ITSN1: variants seen among roughly 807,000 people sequenced by gnomAD.
The protein encoded by ITSN1 is intersectin 1.
ITSN1 carries 58 observed loss-of-function variants against 239.8 expected under a neutral mutation model. That is an observed-to-expected ratio of 0.24 (90% confidence interval 0.20 to 0.30). The LOEUF (loss-of-function observed/expected upper bound fraction) is 0.30, where lower values mean the gene tolerates loss of function less well. Among genes scored for constraint, ITSN1 ranks in the 10% least tolerant of loss-of-function variants. The pLI, the probability that ITSN1 is intolerant of heterozygous loss-of-function variation, is 1.00. For missense variants in ITSN1, 1,558 were observed against 2,103.3 expected (o/e 0.74, Z 5.07); for synonymous variants, 780 against 770.8 (o/e 1.01, Z -0.20).
chr21:33,802,475 C>T (rs966096871), intron 20 of ITSN1, 31 bp downstream of exon 20: 2 of 1,609,366 alleles, frequency 1.2e-6, no homozygotes, highest in East Asian at 2.2e-5. Context: ...AGGAAGTCTG[C>T]ATCTTATTCA....
chr21:33,834,495 A>G (rs926727369), intron 28 of ITSN1, 71 bp downstream of exon 28: 80 of 1,058,802 alleles, frequency 7.6e-5, no homozygotes, highest in Non-Finnish European at 1.1e-4. Flanking sequence ...TGATTTTCTC[A>G]TTAAATATCT....
Position 33,881,406 on chromosome 21 carries a change from CAAAAA to C in ITSN1, c.4342-819_4342-815del, listed in dbSNP as rs1207634551. On this transcript the variant is annotated intron_variant, in intron 34 of 39. Coordinates refer to ENST00000381318, the MANE Select transcript of ITSN1 (RefSeq NM_003024.3). ...TGGGCGACAGAGTGAGACTCTGTCTCAAAAAAAAAAAAAAAAAAAAAATTAACACC... is the reference window on the plus strand; with the variant it reads ...TGGGCGACAGAGTGAGACTCTGTCTCAAAAAAAAAAAAAAAAATTAACACC... 4.0e-5 allele frequency among the ~76,000 whole-genome samples: 3 copies of C among 75,050 alleles called. No individual in the cohort carries two copies. In the South Asian group the frequency reaches 1.5e-3, roughly 38 times the overall value. 49.2% of individuals were successfully genotyped at this position (75,050 alleles called of 152,430 possible).
intron 4 of ITSN1, among the ~76,000 whole-genome samples, chr21:33,728,539 C>T (rs1454298183): frequency 6.6e-6 from 1 of 152,126 alleles, no homozygotes; most frequent in Admixed American, 6.5e-5. Flanking sequence ...TCTTCCTGTT[C>T]TTTAAATGGG....
At chr21:33,666,089 C>A (rs2089914245) in intron 1 of ITSN1, among the ~76,000 whole-genome samples, 1 of 152,102 alleles carries the variant, frequency 6.6e-6, no homozygotes, top group Non-Finnish European at 1.5e-5. Context: ...CTGTCGTGCC[C>A]AGCTAATTCT....
chr21:33,809,072 G>A (rs2072698084), intron 20 of ITSN1, among the ~76,000 whole-genome samples: 1 of 152,176 alleles, frequency 6.6e-6, no homozygotes, highest in East Asian at 1.9e-4. Context: ...CATAAAAGAA[G>A]ATCCAAATGG....
intron 19 of ITSN1, among the ~76,000 whole-genome samples, chr21:33,802,122 T>G (rs569584353): frequency 6.6e-6 from 1 of 152,336 alleles, no homozygotes; most frequent in South Asian, 2.1e-4. Context: ...TTTTTGAAAC[T>G]GGATTTTGTT....
chr21:33,798,008 C>T (rs1041487683), intron 18 of ITSN1, among the ~76,000 whole-genome samples: 3 of 152,210 alleles, frequency 2.0e-5, no homozygotes, highest in Non-Finnish European at 2.9e-5. Flanking sequence ...TCGCTGTCTT[C>T]GGTCTGCATT....
rs187508770 is a variant in ITSN1 at position 33,818,559 on chromosome 21, G to A, written c.2933+87G>A. The A allele has an allele frequency of 5.1e-6, 6 of 1,168,432 alleles. No individual in the cohort carries two copies. The Admixed American group carries it at 1.1e-4, about 21-fold the overall frequency. The allele number at this position is 1,168,432 out of a possible 1,614,324, so 72.4% of individuals were successfully genotyped here. On this transcript the variant is annotated intron_variant, in intron 23 of 39. Coordinates refer to ENST00000381318, the MANE Select transcript of ITSN1 (RefSeq NM_003024.3). ...TGCACTAGTTAAGATTCACAGACAGGAGTTGCGGGATTAGTTTGTCTTCTA... is the reference window on the plus strand; with the variant it reads ...TGCACTAGTTAAGATTCACAGACAGAAGTTGCGGGATTAGTTTGTCTTCTA...
At chr21:33,854,477 C>T (rs1478220938) in intron 29 of ITSN1, among the ~76,000 whole-genome samples, 2 of 152,246 alleles carry the variant, frequency 1.3e-5, no homozygotes, top group Non-Finnish European at 2.9e-5. Flanking sequence ...TTCACTCACT[C>T]ACAGGAGAGT....
At chr21:33,779,405 A>G (rs374694198) in intron 14 of ITSN1, among the ~76,000 whole-genome samples, 26 of 151,988 alleles carry the variant, frequency 1.7e-4, no homozygotes, top group Middle Eastern at 3.4e-3. Flanking sequence ...TCTTTTTTAA[A>G]TTTTCTTTGT....
At chr21:33,864,607 C>T (rs370443070) in intron 31 of ITSN1, among the ~76,000 whole-genome samples, 5 of 152,324 alleles carry the variant, frequency 3.3e-5, no homozygotes, top group African/African-American at 1.2e-4. Context: ...TAACTCAGCT[C>T]TAGCAATGAA....
intron 29 of ITSN1, chr21:33,837,282 T>C (rs1242559217): frequency 4.2e-6 from 5 of 1,200,606 alleles, no homozygotes; most frequent in Non-Finnish European, 5.2e-6. Context: ...CAAATTGACT[T>C]TCCCCCACCT....
chr21:33,785,479 C>A (rs1400781875), intron 16 of ITSN1, among the ~76,000 whole-genome samples: 1 of 152,156 alleles, frequency 6.6e-6, no homozygotes, highest in African/African-American at 2.4e-5. Context: ...TTTTAACATA[C>A]AATCTGATTT....
chr21:33,687,686 T>C (rs1322336679), intron 1 of ITSN1, among the ~76,000 whole-genome samples: 1 of 152,170 alleles, frequency 6.6e-6, no homozygotes, highest in Non-Finnish European at 1.5e-5. Context: ...TCCAAATACA[T>C]AGTTAGGGAC....
chr21:33,800,606 T>G (rs539030898), intron 19 of ITSN1, among the ~76,000 whole-genome samples: 1 of 152,296 alleles, frequency 6.6e-6, no homozygotes, highest in African/African-American at 2.4e-5. Flanking sequence ...TGCTTTGTTA[T>G]TGTTTCTTTC....
In ITSN1 at chr21:33,891,408, T is replaced by C. The variant is rs1986357480; in HGVS notation, c.*3108T>C. The C allele has an allele frequency of 6.6e-6, 1 of 152,226 alleles. No individual in the cohort carries two copies. Among genetic ancestry groups the C allele is most frequent in the Admixed American group, 6.5e-5 (1 of 15,288 alleles). 9.4% of individuals were successfully genotyped at this position (152,226 alleles called of 1,614,324 possible). On this transcript the variant is annotated 3_prime_UTR_variant, in exon 40 of 40. Transcript: ENST00000381318. ...CAACCTAAAGTATGACCTAAGTGTA[T>C]GAAACTAACTGATTTCTTTGGGTAG...
chr21:33,694,666 C>A (rs1393266635), intron 1 of ITSN1, among the ~76,000 whole-genome samples: 4 of 152,104 alleles, frequency 2.6e-5, no homozygotes, highest in African/African-American at 2.4e-5. Context: ...ACTAAAAATA[C>A]AAAAATTAGC....
intron 1 of ITSN1, chr21:33,643,598 C>T: frequency 6.6e-6 from 1 of 152,066 alleles, no homozygotes; most frequent in East Asian, 1.9e-4. Flanking sequence ...AATAGATTAG[C>T]GGCTTCTCTG....
At chr21:33,665,833 G>A (rs1251019503) in intron 1 of ITSN1, among the ~76,000 whole-genome samples, 2 of 151,870 alleles carry the variant, frequency 1.3e-5, no homozygotes, top group African/African-American at 2.4e-5. Flanking sequence ...CAGTATAAAC[G>A]TACCTTGAAA....
Sources: gnomAD v4.1 joint callset for allele counts (sites outside exome capture counted in the v4.1 genomes callset) on GRCh38, gnomAD v4.1.1 for gene constraint, MANE v1.5 for transcripts, NCBI Gene and HGNC (gene_info 2026-07-23, HGNC 2026-07-21) for gene names.